Variants in APELA observed in about 807,000 individuals in gnomAD.
The protein encoded by APELA is protein Elabela.
intron 2 of APELA, among the ~76,000 whole-genome samples, chr4:164,889,940 T>C (rs1246537138): frequency 1.3e-5 from 2 of 152,224 alleles, no homozygotes; most frequent in Non-Finnish European, 2.9e-5. Context: ...GTGTAATTTA[T>C]ATGCAAATAC....
At chr4:164,884,118 AAAG>A (rs1390706536) in intron 2 of APELA, among the ~76,000 whole-genome samples, 5 of 30,298 alleles carry the variant, frequency 1.7e-4, no homozygotes, top group African/African-American at 1.7e-4. Context: ...AGAAAGAAAG[AAAG>A]AGAAAGAAAG....
chr4:164,893,912 T>C lies in APELA; in HGVS notation c.*2-1504T>C, dbSNP rs193243075. Among the ~76,000 whole-genome samples, 6 of 152,204 alleles carry C rather than the reference T, an allele frequency of 3.9e-5. No homozygotes were observed. The East Asian group carries it at 9.6e-4, about 24-fold the overall frequency. On this transcript the variant is annotated intron_variant, in intron 2 of 2. Transcript: ENST00000507152. The stretch of plus-strand genomic sequence containing the variant: ...TTTTGTTCCTCTCTTCCTCTTCTAC[T>C]GCTTTCTTTGCATTAAATGAATATT...
chr4:164,889,164 C>T (rs934343573), intron 2 of APELA, among the ~76,000 whole-genome samples: 120 of 136,284 alleles, frequency 8.8e-4, no homozygotes, highest in African/African-American at 3.2e-3. Flanking sequence ...AAAGTAACCT[C>T]GGTGAGGGTG....
chr4:164,891,117 A>G (rs1282062477), intron 2 of APELA, among the ~76,000 whole-genome samples: 7 of 152,110 alleles, frequency 4.6e-5, no homozygotes, highest in African/African-American at 1.2e-4. Context: ...ATGTGTGTGT[A>G]TATATTCTGA....
At chr4:164,882,323 G>A (rs560547926) in intron 2 of APELA, among the ~76,000 whole-genome samples, 2 of 151,834 alleles carry the variant, frequency 1.3e-5, no homozygotes, top group South Asian at 2.1e-4. Context: ...GGTTGGTCTC[G>A]AACTCCCGAC....
At chr4:164,888,231 G>C (rs746637458) in intron 2 of APELA, among the ~76,000 whole-genome samples, 1 of 152,162 alleles carries the variant, frequency 6.6e-6, no homozygotes, top group African/African-American at 2.4e-5. Context: ...TCAAGCCAGG[G>C]CTATTTATTC....
chr4:164,893,797 A>C (rs927437702), intron 2 of APELA, among the ~76,000 whole-genome samples: 4 of 151,988 alleles, frequency 2.6e-5, no homozygotes, highest in African/African-American at 9.7e-5. Flanking sequence ...TTTTGAATGG[A>C]TTATTTAGTA....
rs1279863962 is a variant in APELA, at chr4:164,878,221, A to AAAGAAAGAAAGT, written c.77-697_77-696insGAAAGAAAGTAA. Among the ~76,000 whole-genome samples, 4 of 152,032 alleles carry AAAGAAAGAAAGT rather than the reference A, an allele frequency of 2.6e-5. No individual in the cohort carries two copies. In the East Asian group the frequency reaches 7.7e-4, roughly 29 times the overall value. On this transcript the variant is annotated intron_variant, in intron 1 of 2. Coordinates refer to ENST00000507152, the MANE Select transcript of APELA (RefSeq NM_001297550.2). ...AAAAGAAAGAAAGAAAGAAAGAAAG[A>AAAGAAAGAAAGT]AATTAGAAAGTTAAAGTTTTCTGAA...
rs1730737493 is a variant in APELA at position 164,884,861 on chromosome 4, T to C, written c.*1+5852T>C. Among the ~76,000 whole-genome samples the C allele has an allele frequency of 4.6e-5, 7 of 152,322 alleles. No homozygotes were observed. In the South Asian group the frequency reaches 1.4e-3, roughly 32 times the overall value. ...GCTTTTGCCTCAAATTTTTTCACTT[T>C]TTTTCTCAGTATCATTCATCCTTTA... On this transcript the variant is annotated intron_variant, in intron 2 of 2. Transcript: ENST00000507152.
At chr4:164,894,957 A>C (rs1420506463) in intron 2 of APELA, among the ~76,000 whole-genome samples, 1 of 152,206 alleles carries the variant, frequency 6.6e-6, no homozygotes, top group Non-Finnish European at 1.5e-5. Flanking sequence ...GTGAAGTGAA[A>C]GTGAAATGTG....
intron 2 of APELA, among the ~76,000 whole-genome samples, chr4:164,890,488 G>T (rs944237682): frequency 5.3e-5 from 8 of 152,066 alleles, no homozygotes; most frequent in Non-Finnish European, 1.2e-4. Flanking sequence ...CCATATAAAT[G>T]AATTCTTGTG....
intron 2 of APELA, among the ~76,000 whole-genome samples, chr4:164,892,389 T>C (rs540721396): frequency 6.6e-6 from 1 of 152,308 alleles, no homozygotes; most frequent in African/African-American, 2.4e-5. Context: ...TATATTATCA[T>C]GTGTTATGTG....
At chr4:164,880,881 A>G (rs1486010164) in intron 2 of APELA, among the ~76,000 whole-genome samples, 1 of 152,216 alleles carries the variant, frequency 6.6e-6, no homozygotes, top group African/African-American at 2.4e-5. Context: ...ACTACTTAAT[A>G]ATAGCAACTC....
chr4:164,888,614 TAC>T (rs1285168990), intron 2 of APELA, among the ~76,000 whole-genome samples: 1 of 152,190 alleles, frequency 6.6e-6, no homozygotes, highest in Non-Finnish European at 1.5e-5. Flanking sequence ...TGTACACTTG[TAC>T]ATATTCAGTC....
chr4:164,891,767 T>C (rs1479981518), intron 2 of APELA, among the ~76,000 whole-genome samples: 1 of 152,138 alleles, frequency 6.6e-6, no homozygotes, highest in Non-Finnish European at 1.5e-5. Flanking sequence ...TCCTTTCTAA[T>C]CTGGGTTTCT....
intron 2 of APELA, among the ~76,000 whole-genome samples, chr4:164,889,767 A>G (rs1168282031): frequency 5.9e-5 from 9 of 152,182 alleles, no homozygotes; most frequent in African/African-American, 2.2e-4. Flanking sequence ...GAAAATATTC[A>G]GGAAAAAAAA....
intron 2 of APELA, among the ~76,000 whole-genome samples, chr4:164,880,214 A>G (rs1196945732): frequency 6.6e-6 from 1 of 152,238 alleles, no homozygotes; most frequent in African/African-American, 2.4e-5. Context: ...TTCAGTGGAA[A>G]GAACAGTTGC....
intron 2 of APELA, among the ~76,000 whole-genome samples, chr4:164,894,290 G>A (rs944118761): frequency 1.3e-5 from 2 of 152,118 alleles, no homozygotes; most frequent in African/African-American, 4.8e-5. Context: ...GTGCCACTGT[G>A]CTTCAACCTG....
At chr4:164,879,617 G>A (rs1730621834) in intron 2 of APELA, among the ~76,000 whole-genome samples, 1 of 152,028 alleles carries the variant, frequency 6.6e-6, no homozygotes, top group Admixed American at 6.6e-5. Context: ...GGTAATTTTT[G>A]TATTTTTTGT....
Sources: gnomAD v4.1 joint callset for allele counts (sites outside exome capture counted in the v4.1 genomes callset) on GRCh38, gnomAD v4.1.1 for gene constraint, MANE v1.5 for transcripts, NCBI Gene and HGNC (gene_info 2026-07-23, HGNC 2026-07-21) for gene names.